TMEM131: variants seen among roughly 807,000 people sequenced by gnomAD.
TMEM131 encodes the protein 2610524E03Rik.
Under a neutral mutation model 211.6 loss-of-function variants are expected in TMEM131, and 66 were observed. That is an observed-to-expected ratio of 0.31 (90% CI 0.26 to 0.38). The LOEUF (loss-of-function observed/expected upper bound fraction) is 0.38, where lower values mean the gene tolerates loss of function less well. Ranked by LOEUF, TMEM131 falls within the 10% of genes least tolerant of loss-of-function variation. The probability of loss-of-function intolerance (pLI) is 1.00; values close to 1 mark genes in which losing one functional copy is unlikely to be tolerated. For missense variants in TMEM131, 2,036 were observed against 2,299.3 expected (o/e 0.89, Z 2.34); for synonymous variants, 844 against 841.3 (o/e 1.00, Z -0.06).
intron 11 of TMEM131, among the ~76,000 whole-genome samples, chr2:97,819,208 T>C (rs1681993584): frequency 6.6e-6 from 1 of 152,182 alleles, no homozygotes; most frequent in African/African-American, 2.4e-5. Flanking sequence ...TTTCTCTTTC[T>C]CTCTAGACAT....
chr2:97,939,457 C>CT (rs1270738232), intron 1 of TMEM131, among the ~76,000 whole-genome samples: 1 of 152,180 alleles, frequency 6.6e-6, no homozygotes, highest in African/African-American at 2.4e-5. Flanking sequence ...CACATACTCC[C>CT]TCCCAAGACT....
At chr2:97,923,431 T>C (rs1676827162) in intron 2 of TMEM131, among the ~76,000 whole-genome samples, 1 of 152,046 alleles carries the variant, frequency 6.6e-6, no homozygotes, top group Admixed American at 6.5e-5. Flanking sequence ...GAGACCAGCC[T>C]GGGCAACATA....
intron 11 of TMEM131, chr2:97,827,167 G>A (rs1048960377): frequency 4.8e-6 from 3 of 621,016 alleles, no homozygotes; most frequent in East Asian, 2.9e-5. Context: ...GAGTGGCAGC[G>A]GCAAGGCAGC....
intron 12 of TMEM131, among the ~76,000 whole-genome samples, chr2:97,817,217 C>T (rs915337989): frequency 1.0e-4 from 15 of 144,662 alleles, no homozygotes; most frequent in Non-Finnish European, 1.8e-4. Context: ...TAGCTCTTCA[C>T]CCTTGCAGAG....
At chr2:97,927,224 C>T (rs935924399) in intron 2 of TMEM131, among the ~76,000 whole-genome samples, 2 of 152,096 alleles carry the variant, frequency 1.3e-5, no homozygotes, top group Admixed American at 1.3e-4. Context: ...AATGAGTTTG[C>T]ATTTTAAAGA....
At chr2:97,831,548 T>C (rs1295718580) in intron 11 of TMEM131, among the ~76,000 whole-genome samples, 1 of 152,078 alleles carries the variant, frequency 6.6e-6, no homozygotes, top group Non-Finnish European at 1.5e-5. Flanking sequence ...AGATGTATTA[T>C]ATTAACAGAT....
Position 97,757,001 on chromosome 2 carries a change from G to A in TMEM131, c.*98C>T. On this transcript the variant is annotated 3_prime_UTR_variant, in exon 41 of 41. Transcript: ENST00000186436. ...GTTTTGCAAAGAAGAGGAGGGTGGGGAGGGGAGCTGCAGTAAGAGCCTTAA... is the reference window on the plus strand; with the variant it reads ...GTTTTGCAAAGAAGAGGAGGGTGGGAAGGGGAGCTGCAGTAAGAGCCTTAA... 7.1e-7 allele frequency: 1 copy of A among 1,399,942 alleles called. No homozygotes were observed. Among genetic ancestry groups the A allele is most frequent in the Non-Finnish European group, 9.5e-7 (1 of 1,057,268 alleles). The allele number at this position is 1,399,942 out of a possible 1,614,324, so 86.7% of individuals were successfully genotyped here.
At chr2:97,954,806 C>CAAAAA (rs778680522) in intron 1 of TMEM131, among the ~76,000 whole-genome samples, 14 of 36,962 alleles carry the variant, frequency 3.8e-4, no homozygotes, top group South Asian at 1.1e-3. Context: ...AACTCCATCT[C>CAAAAA]AAAAAAAAAA....
At chr2:97,802,296 T>G in intron 24 of TMEM131, 132 bp downstream of exon 24, 2 of 758,656 alleles carry the variant, frequency 2.6e-6, no homozygotes, top group Non-Finnish European at 4.1e-6. Context: ...AAACCTTCTC[T>G]CAACCTTATA....
chr2:97,759,312 C>T (rs762026906), intron 39 of TMEM131: 4 of 560,398 alleles, frequency 7.1e-6, no homozygotes, highest in Admixed American at 3.1e-5. Context: ...TAATGGGAAG[C>T]TTCCATGGTG....
At chr2:97,930,127 T>G (rs1339542477) in intron 1 of TMEM131, among the ~76,000 whole-genome samples, 1 of 150,782 alleles carries the variant, frequency 6.6e-6, no homozygotes, top group East Asian at 1.9e-4. Flanking sequence ...AAGAACACAA[T>G]GAACTAACAA....
chr2:97,844,334 C>A, intron 5 of TMEM131, 73 bp from the exon 6 acceptor site: 1 of 437,934 alleles, frequency 2.3e-6, no homozygotes, highest in Non-Finnish European at 4.0e-6. Flanking sequence ...AAACAAGTTT[C>A]TTAGAATCAC....
At chr2:97,794,471 G>A (rs890301779) in intron 29 of TMEM131, among the ~76,000 whole-genome samples, 9 of 152,110 alleles carry the variant, frequency 5.9e-5, no homozygotes, top group African/African-American at 2.2e-4. Context: ...TCTCCAACCC[G>A]TTTCCTCTAA....
intron 25 of TMEM131, among the ~76,000 whole-genome samples, chr2:97,801,527 G>A (rs919150049): frequency 6.6e-6 from 1 of 152,118 alleles, no homozygotes; most frequent in African/African-American, 2.4e-5. Context: ...TAATTACAAA[G>A]TATCCAGAAT....
rs753635047 is a variant in TMEM131 at position 97,838,426 on chromosome 2, C to CTTTT, written c.724-1273_724-1270dup. On this transcript the variant is annotated intron_variant, in intron 7 of 40. Transcript: ENST00000186436. ...AAAAATGGCAATTCTTAAGCTTAAACTTTTTTTTTTTTTTTTTTTTTTTTT... is the reference window on the plus strand; with the variant it reads ...AAAAATGGCAATTCTTAAGCTTAAACTTTTTTTTTTTTTTTTTTTTTTTTTTTTT... Among the ~76,000 whole-genome samples, 55 of 89,092 alleles carry CTTTT rather than the reference C, an allele frequency of 6.2e-4. 2 individuals are homozygous for CTTTT. The highest frequency in any genetic ancestry group is 1.8e-3 in the African/African-American group (43 of 23,514). The allele number at this position is 89,092 out of a possible 152,430, so 58.4% of individuals were successfully genotyped here. A position where few individuals can be genotyped will look rare whatever the true frequency, so the allele number is the denominator to read the frequency against.
At chr2:97,760,154 C>A in intron 38 of TMEM131, 1 of 259,128 alleles carries the variant, frequency 3.9e-6, no homozygotes, top group South Asian at 5.6e-5. Context: ...CTGCTGCAGG[C>A]CACCACACCC....
chr2:97,937,968 A>C (rs1343581651), intron 1 of TMEM131, among the ~76,000 whole-genome samples: 1 of 152,182 alleles, frequency 6.6e-6, no homozygotes, highest in Admixed American at 6.5e-5. Context: ...TTTACAGACA[A>C]ACAAATACTG....
At chr2:97,854,064 G>A (rs1673741191) in intron 5 of TMEM131, among the ~76,000 whole-genome samples, 1 of 152,180 alleles carries the variant, frequency 6.6e-6, no homozygotes, top group Admixed American at 6.5e-5. Context: ...AATCTTTTGT[G>A]AAAAGAAGAA....
At position 97,809,668 on chromosome 2, in the gene TMEM131, G is replaced by A. The variant is rs918015325; in HGVS notation, c.2055+20C>T. On this transcript the variant is annotated intron_variant, in intron 19 of 40. Coordinates refer to ENST00000186436, the MANE Select transcript of TMEM131 (RefSeq NM_015348.2). Reference sequence around the variant, plus strand: ...GGCAAAAAACGAGCAATAGAAAAATGTGTGTATTAATGGTCTTACTGGAAA... The same window carrying A: ...GGCAAAAAACGAGCAATAGAAAAATATGTGTATTAATGGTCTTACTGGAAA... 1 of 1,586,942 alleles carries A rather than the reference G, an allele frequency of 6.3e-7. No homozygotes were observed.
Sources: allele counts gnomAD v4.1 joint callset (sites outside exome capture counted in the v4.1 genomes callset), GRCh38; gene constraint gnomAD v4.1.1; transcripts MANE v1.5; gene names NCBI Gene and HGNC (gene_info 2026-07-23, HGNC 2026-07-21).